SH3PXD2A: variants seen among roughly 807,000 people sequenced by gnomAD.
SH3PXD2A encodes SH3 and PX domain-containing protein 2A.
SH3PXD2A carries 32 observed loss-of-function variants against 115.2 expected under a neutral mutation model. That is an observed-to-expected ratio of 0.28 (90% CI 0.21 to 0.37). The LOEUF (loss-of-function observed/expected upper bound fraction) is 0.37. SH3PXD2A is among the 10% of genes least tolerant of loss of function. The pLI, the probability that SH3PXD2A is intolerant of heterozygous loss-of-function variation, is 1.00. For missense variants in SH3PXD2A, 1,328 were observed against 1,498.7 expected, an observed-to-expected ratio of 0.89 and a Z score of 1.88; for synonymous variants, 610 against 629.1, an observed-to-expected ratio of 0.97 and a Z score of 0.45.
rs370283195 is a variant in SH3PXD2A, at chr10:103,654,199, C to T, written c.604+6784G>A. Among the ~76,000 whole-genome samples the T allele has an allele frequency of 3.9e-4, 59 of 152,248 alleles. No individual in the cohort carries two copies. In the South Asian group the frequency reaches 0.012, roughly 31 times the overall value. ...CATGAGGCCACCAATGGGACCCTGA[C>T]TTGTGTCGCCAACCCTTCTTCCTGC... On this transcript the variant is annotated intron_variant, in intron 8 of 14. Coordinates refer to ENST00000369774, the MANE Select transcript of SH3PXD2A (RefSeq NM_001394015.1).
chr10:103,610,934 C>T (rs567823585), intron 13 of SH3PXD2A, among the ~76,000 whole-genome samples: 5 of 152,204 alleles, frequency 3.3e-5, no homozygotes, highest in Non-Finnish European at 4.4e-5. Context: ...CATCCCACTG[C>T]GCTTACTAAC....
intron 2 of SH3PXD2A, among the ~76,000 whole-genome samples, chr10:103,767,752 T>G (rs994110666): frequency 6.7e-6 from 1 of 149,966 alleles, no homozygotes; most frequent in African/African-American, 2.5e-5. Flanking sequence ...TCGCTGCTGT[T>G]TTTCCAAGGA....
intron 6 of SH3PXD2A, among the ~76,000 whole-genome samples, chr10:103,677,605 T>A (rs2037555196): frequency 6.6e-6 from 1 of 152,128 alleles, no homozygotes; most frequent in Non-Finnish European, 1.5e-5. Context: ...CTGGGCAGGA[T>A]CTTTGTTCAC....
At chr10:103,681,296 G>C (rs1387018951) in intron 6 of SH3PXD2A, among the ~76,000 whole-genome samples, 2 of 152,120 alleles carry the variant, frequency 1.3e-5, no homozygotes, top group East Asian at 3.9e-4. Flanking sequence ...GGAGACAACT[G>C]AATGTTCTTC....
intron 4 of SH3PXD2A, among the ~76,000 whole-genome samples, chr10:103,724,623 TGACCAACTAACC>T (rs1260912449): frequency 6.6e-6 from 1 of 151,996 alleles, no homozygotes; most frequent in Non-Finnish European, 1.5e-5. Context: ...GCCAACTAAC[TGACCAACTAACC>T]AACCAGCCAA....
At chr10:103,680,356 C>T (rs2037592619) in intron 6 of SH3PXD2A, among the ~76,000 whole-genome samples, 1 of 152,064 alleles carries the variant, frequency 6.6e-6, no homozygotes. Flanking sequence ...GATCACCATT[C>T]ACTGCAGCTT....
chr10:103,648,209 G>A (rs1340982703), intron 8 of SH3PXD2A, among the ~76,000 whole-genome samples: 5 of 152,144 alleles, frequency 3.3e-5, no homozygotes, highest in African/African-American at 1.2e-4. Context: ...AGAAGAAATG[G>A]GGTAGTAAAA....
At chr10:103,657,556 C>T (rs1331871799) in intron 8 of SH3PXD2A, among the ~76,000 whole-genome samples, 2 of 152,202 alleles carry the variant, frequency 1.3e-5, no homozygotes, top group Non-Finnish European at 2.9e-5. Context: ...TCTTCCTGCT[C>T]TATGTGTCCC....
chr10:103,726,365 A>G (rs1275357524), intron 4 of SH3PXD2A, among the ~76,000 whole-genome samples: 1 of 152,180 alleles, frequency 6.6e-6, no homozygotes, highest in Non-Finnish European at 1.5e-5. Flanking sequence ...GGTCGTCCTC[A>G]TGAGGGCACA....
chr10:103,785,651 C>A (rs745896764), intron 2 of SH3PXD2A, among the ~76,000 whole-genome samples: 1 of 152,080 alleles, frequency 6.6e-6, no homozygotes, highest in Non-Finnish European at 1.5e-5. Flanking sequence ...CCAAAAGGCG[C>A]GTCTGTACGT....
intron 5 of SH3PXD2A, among the ~76,000 whole-genome samples, chr10:103,717,624 C>T (rs2038121100): frequency 6.6e-6 from 1 of 152,184 alleles, no homozygotes; most frequent in Non-Finnish European, 1.5e-5. Flanking sequence ...ACTGCATCCT[C>T]CTGGGAATCT....
chr10:103,603,991 G>A (rs115937535), intron 14 of SH3PXD2A, among the ~76,000 whole-genome samples: 90 of 152,312 alleles, frequency 5.9e-4, no homozygotes, highest in African/African-American at 2.0e-3. Context: ...ATCATCTCAT[G>A]GTTGGTGGGT....
intron 8 of SH3PXD2A, among the ~76,000 whole-genome samples, chr10:103,628,114 G>C (rs980446336): frequency 2.0e-5 from 3 of 152,296 alleles, no homozygotes; most frequent in Non-Finnish European, 4.4e-5. Context: ...GGAGGCTCTC[G>C]GGTGCCTCCA....
In SH3PXD2A at chr10:103,666,937, C is replaced by T. The variant is rs1383380242; in HGVS notation, c.472+1671G>A. The stretch of plus-strand genomic sequence containing the variant: ...GTCCCTGCAACATGCCCCTCCCAGA[C>T]CCTACCTTCAGCAGGTAACGGGTAC... On this transcript the variant is annotated intron_variant, in intron 7 of 14. Coordinates refer to ENST00000369774, the MANE Select transcript of SH3PXD2A (RefSeq NM_001394015.1). The surrounding 1 kb of genome is among the most constrained non-coding windows in gnomAD (Gnocchi z 4.5). 2.0e-5 allele frequency among the ~76,000 whole-genome samples: 3 copies of T among 152,160 alleles called. No homozygotes were observed. The highest frequency in any genetic ancestry group is 2.0e-4 in the Admixed American group (3 of 15,274).
Position 103,626,201 on chromosome 10 carries a change from G to A in SH3PXD2A, c.718+888C>T, listed in dbSNP as rs548350478. On this transcript the variant is annotated intron_variant, in intron 9 of 14. Coordinates refer to ENST00000369774, the MANE Select transcript of SH3PXD2A (RefSeq NM_001394015.1). ...TAGGAGGAAGGGCGAAGCCCCAGCT[G>A]CCCGCCGAGTAACCGACATTTAGGG... Among the ~76,000 whole-genome samples the A allele has an allele frequency of 3.9e-5, 6 of 152,398 alleles. No individual in the cohort carries two copies. In the South Asian group the frequency reaches 1.0e-3, roughly 26 times the overall value.
intron 13 of SH3PXD2A, among the ~76,000 whole-genome samples, chr10:103,606,432 TAAAAAAAAA>T (rs533450822): frequency 0.24 from 1,944 of 8,094 alleles, 93 homozygotes; most frequent in East Asian, 0.35. Context: ...AAGAATTTGC[TAAAAAAAAA>T]AAAAAAAAAA....
chr10:103,834,168 A>C (rs2039508502), intron 1 of SH3PXD2A, among the ~76,000 whole-genome samples: 1 of 152,198 alleles, frequency 6.6e-6, no homozygotes, highest in Non-Finnish European at 1.5e-5. Flanking sequence ...AAATGCTCTC[A>C]TGGAACCTGA....
At chr10:103,679,799 G>C (rs1443185515) in intron 6 of SH3PXD2A, among the ~76,000 whole-genome samples, 6 of 152,190 alleles carry the variant, frequency 3.9e-5, no homozygotes, top group African/African-American at 1.4e-4. Context: ...GCTTAGCATA[G>C]CAAGGATCTG....
At chr10:103,805,618 T>TG (rs2039194274) in intron 1 of SH3PXD2A, among the ~76,000 whole-genome samples, 1 of 152,210 alleles carries the variant, frequency 6.6e-6, no homozygotes, top group Non-Finnish European at 1.5e-5. Context: ...TGGCAGGGCA[T>TG]GGTGGCTCAT....
Sources: allele counts gnomAD v4.1 joint callset (sites outside exome capture counted in the v4.1 genomes callset), GRCh38; gene constraint gnomAD v4.1.1; non-coding constraint Gnocchi (gnomAD v3.1); transcripts MANE v1.5; gene names NCBI Gene and HGNC (gene_info 2026-07-23, HGNC 2026-07-21).